The following TDRD12 variants were observed in gnomAD, a reference collection of about 807,000 sequenced individuals.
The protein encoded by TDRD12 is tudor domain containing 12.
A neutral mutation model predicts 133.5 loss-of-function variants in TDRD12; 158 were observed. The ratio of observed to expected loss-of-function variants is 1.18; its 90% confidence interval spans 1.04 to 1.35. TDRD12 has a LOEUF of 1.35. Among genes scored for constraint, TDRD12 ranks in the 40% most tolerant of loss-of-function variants. TDRD12 has a pLI of 0.00. For synonymous variants in TDRD12, 460 were observed against 477.9 expected (o/e 0.96, Z 0.49); for missense variants, 1,443 against 1,321.3 (o/e 1.09, Z -1.43).
chr19:32,733,287 A>G lies in TDRD12; in HGVS notation c.183+1404A>G, dbSNP rs1025949993. On this transcript the variant is annotated intron_variant, in intron 2 of 27. Coordinates refer to ENST00000444215, the Ensembl canonical transcript of TDRD12. ...AGTTCGAGACCAGCCTGGCCAACATAGTGAAACCCCATCTCTACTAAAAAT... is the reference window on the plus strand; with the variant it reads ...AGTTCGAGACCAGCCTGGCCAACATGGTGAAACCCCATCTCTACTAAAAAT... Among the ~76,000 whole-genome samples, 6 of 152,122 alleles carry G rather than the reference A, an allele frequency of 3.9e-5. No individual in the cohort carries two copies. The South Asian group carries it at 1.2e-3, about 32-fold the overall frequency.
intron 11 of TDRD12, 57 bp downstream of exon 11, chr19:32,777,286 A>ACGGCG: frequency 9.2e-7 from 1 of 1,082,796 alleles, no homozygotes; most frequent in Non-Finnish European, 1.3e-6. Flanking sequence ...ATAAAATTAT[A>ACGGCG]AACAAGAGAA....
At chr19:32,741,299 C>G (rs965073209) in intron 3 of TDRD12, among the ~76,000 whole-genome samples, 1 of 152,262 alleles carries the variant, frequency 6.6e-6, no homozygotes, top group Non-Finnish European at 1.5e-5. Context: ...CCAGGCTGGT[C>G]TTGAACTCTT....
rs759604455 is a variant in TDRD12, at chr19:32,815,620, C to T, written c.3314C>T (p.Pro1105Leu). ...TGTGAAGAAAGCCTAAGCCAGACCC[C>T]GTAAGTGGATTTCTGTCTCCTTTTT... Residue 1105 changes from proline (P) to leucine (L), a missense_variant and splice_region_variant, in exon 26 of 28, where the codon CCG becomes CTG. Physicochemically the swap from Pro to Leu is moderately conservative, Grantham distance 98 (BLOSUM62 -3). Coordinates refer to ENST00000444215, the Ensembl canonical transcript of TDRD12. The T allele has an allele frequency of 1.9e-5, 29 of 1,529,068 alleles. No homozygotes were observed. The East Asian group carries it at 2.0e-4, about 10-fold the overall frequency. 94.7% of individuals were successfully genotyped at this position (1,529,068 alleles called of 1,614,324 possible). A position where few individuals can be genotyped will look rare whatever the true frequency, so the allele number is the denominator to read the frequency against.
intron 1 of TDRD12, among the ~76,000 whole-genome samples, chr19:32,728,645 C>CTTTTT (rs61327045): frequency 1.5e-5 from 2 of 129,104 alleles, no homozygotes; most frequent in African/African-American, 2.9e-5. Flanking sequence ...TTTTCTTTTC[C>CTTTTT]TTTTTTTTTT....
At chr19:32,758,053 G>A (rs1470314707) in intron 8 of TDRD12, among the ~76,000 whole-genome samples, 1 of 152,182 alleles carries the variant, frequency 6.6e-6, no homozygotes, top group Non-Finnish European at 1.5e-5. Flanking sequence ...CCCTGGGCCT[G>A]GCCGCTGGAG....
intron 5 of TDRD12, among the ~76,000 whole-genome samples, chr19:32,749,465 G>T (rs1171011551): frequency 6.6e-6 from 1 of 152,128 alleles, no homozygotes; most frequent in Non-Finnish European, 1.5e-5. Flanking sequence ...TAAGGGAGTA[G>T]CCGGGTGCTG....
chr19:32,755,290 G>A (rs1969959591), intron 6 of TDRD12, among the ~76,000 whole-genome samples: 1 of 152,198 alleles, frequency 6.6e-6, no homozygotes, highest in Admixed American at 6.5e-5. Flanking sequence ...GGATCATATT[G>A]TAGGTATTAA....
intron 2 of TDRD12, among the ~76,000 whole-genome samples, chr19:32,734,845 C>A (rs1969178269): frequency 6.6e-6 from 1 of 152,088 alleles, no homozygotes; most frequent in African/African-American, 2.4e-5. Context: ...GTAATTCTCC[C>A]AGTGTTTCGA....
At chr19:32,739,755 GCTCT>G (rs1969348358) in intron 3 of TDRD12, among the ~76,000 whole-genome samples, 4 of 116,886 alleles carry the variant, frequency 3.4e-5, no homozygotes, top group African/African-American at 1.4e-4. Context: ...TCTCCTGGGT[GCTCT>G]CTGCATCTCC....
At chr19:32,755,294 G>A (rs1969959829) in intron 6 of TDRD12, among the ~76,000 whole-genome samples, 1 of 152,204 alleles carries the variant, frequency 6.6e-6, no homozygotes, top group Non-Finnish European at 1.5e-5. Context: ...CATATTGTAG[G>A]TATTAAGAAG....
chr19:32,792,236 A>G (rs1401604359), intron 13 of TDRD12, among the ~76,000 whole-genome samples: 1 of 151,090 alleles, frequency 6.6e-6, no homozygotes, highest in African/African-American at 2.4e-5. Context: ...ATAGAGCAAG[A>G]CTCCGTCTCA....
At chr19:32,742,273 C>G (rs1435354479) in intron 3 of TDRD12, among the ~76,000 whole-genome samples, 3 of 152,034 alleles carry the variant, frequency 2.0e-5, no homozygotes, top group Non-Finnish European at 2.9e-5. Flanking sequence ...TCTCCTGCCT[C>G]AGCCTCCTGA....
intron 4 of TDRD12, among the ~76,000 whole-genome samples, chr19:32,744,537 G>C (rs1382963327): frequency 7.8e-6 from 1 of 128,174 alleles, no homozygotes; most frequent in Non-Finnish European, 1.6e-5. Context: ...AAAGAATATA[G>C]ATAAATCTGT....
chr19:32,765,900 AAAAC>A (rs1465085581), intron 8 of TDRD12, among the ~76,000 whole-genome samples: 2 of 152,066 alleles, frequency 1.3e-5, no homozygotes, highest in Non-Finnish European at 2.9e-5. Context: ...TTAAAAAAAA[AAAAC>A]AGAGCAGCTG....
chr19:32,815,675 A>G (rs1967154171), intron 26 of TDRD12, 55 bp downstream of exon 26: 1 of 1,462,564 alleles, frequency 6.8e-7, no homozygotes. Context: ...AATACAACTC[A>G]CAAGTGTTAA....
chr19:32,821,369 AG>A, downstream of TDRD12: 2 of 350,576 alleles, frequency 5.7e-6, no homozygotes, highest in Non-Finnish European at 5.3e-6. Context: ...AGCTCAGCAG[AG>A]TGTGTGTGTG....
chr19:32,812,267 G>A (rs780143641), intron 24 of TDRD12, among the ~76,000 whole-genome samples: 22 of 152,350 alleles, frequency 1.4e-4, no homozygotes, highest in Non-Finnish European at 2.4e-4. Flanking sequence ...GGGTGGGAAG[G>A]CCCAGCCCTT....
intron 11 of TDRD12, among the ~76,000 whole-genome samples, chr19:32,778,581 C>T (rs1383882086): frequency 1.3e-5 from 2 of 152,132 alleles, no homozygotes; most frequent in Non-Finnish European, 2.9e-5. Flanking sequence ...CTCACTGCAA[C>T]CTCCACCTCC....
chr19:32,730,288 C>A (rs1460460643), intron 1 of TDRD12, among the ~76,000 whole-genome samples: 1 of 152,122 alleles, frequency 6.6e-6, no homozygotes, highest in Non-Finnish European at 1.5e-5. Context: ...TTCCTCAAGC[C>A]ACAAACATGA....
Sources: gnomAD v4.1 joint callset for allele counts (sites outside exome capture counted in the v4.1 genomes callset) on GRCh38, gnomAD v4.1.1 for gene constraint, MANE v1.5 for transcripts, NCBI Gene and HGNC (gene_info 2026-07-23, HGNC 2026-07-21) for gene names.